The following SCUBE3 variants were observed in gnomAD, a reference collection of about 807,000 sequenced individuals.
The protein encoded by SCUBE3 is signal peptide, CUB and EGF-like domain-containing protein 3.
A neutral mutation model predicts 116.8 loss-of-function variants in SCUBE3; 33 were observed. That is an observed-to-expected ratio of 0.28 (90% CI 0.21 to 0.38). The LOEUF (loss-of-function observed/expected upper bound fraction) is 0.38. SCUBE3 is among the 10% of genes least tolerant of loss of function. The probability of loss-of-function intolerance (pLI) is 1.00; values close to 1 mark genes in which losing one functional copy is unlikely to be tolerated. For missense variants in SCUBE3, 1,007 were observed against 1,324.8 expected (o/e 0.76, Z 3.72); for synonymous variants, 418 against 496.9 (o/e 0.84, Z 2.11).
chr6:35,243,807 CCATGGG>C lies in SCUBE3; in HGVS notation c.2071+59_2071+64del. The C allele has an allele frequency of 6.3e-7, 1 of 1,584,846 alleles. No individual in the cohort carries two copies. The highest frequency in any genetic ancestry group is 1.3e-5 in the African/African-American group (1 of 74,504). ...TGGGGTAGGGTGGGCACTGGGATGCCCATGGGCATGGGATTTCCCAAAGGGCAGGCC... is the reference window on the plus strand; with the variant it reads ...TGGGGTAGGGTGGGCACTGGGATGCCCATGGGATTTCCCAAAGGGCAGGCC... On this transcript the variant is annotated intron_variant, in intron 16 of 21. Transcript: ENST00000274938. This position sits in a 1 kb window ranked among gnomAD's most constrained non-coding sequence, Gnocchi z 6.6.
intron 6 of SCUBE3, among the ~76,000 whole-genome samples, chr6:35,236,397 T>C (rs1312164182): frequency 2.6e-5 from 4 of 152,246 alleles, no homozygotes; most frequent in Non-Finnish European, 4.4e-5. Context: ...ATAAGATCTC[T>C]GTGCCCCTCC....
Position 35,242,718 on chromosome 6 carries a change from G to C in SCUBE3, c.1631G>C (p.Gly544Ala), listed in dbSNP as rs373855766. The change falls in exon 14 of 22, where the codon GGC (glycine) becomes GCC (alanine). Residue 544 changes from glycine (G) to alanine (A), a missense_variant. Around this residue, in one of 5 missense-constraint regions of SCUBE3, gnomAD observed 544 missense variants for 638.9 expected, o/e 0.85. Transcript: ENST00000274938. Reference protein sequence around the residue: ...GKGRRARTPPGKEVTRLTLEL... With the variant: ...GKGRRARTPPAKEVTRLTLEL... ...GGCCGACGGGCCCGGACCCCTCCAG[G>C]CAAAGAGGTCACAAGGCTCACCCTG... The C allele has an allele frequency of 1.2e-5, 20 of 1,614,034 alleles. No homozygotes were observed. In the African/African-American group the frequency reaches 2.4e-4, roughly 19 times the overall value.
At position 35,231,792 on chromosome 6, in the gene SCUBE3, T is replaced by C. The variant is rs887218362; in HGVS notation, c.402T>C (p.Tyr134=). The C allele has an allele frequency of 1.2e-6, 2 of 1,613,708 alleles. No individual in the cohort carries two copies. The highest frequency in any genetic ancestry group is 2.2e-5 in the South Asian group (2 of 91,074). ...QQSCVNMMGS[Y]ECHCREGFFL... ...GCTGTGTCAACATGATGGGCAGCTATGAGTGCCACTGCCGGGAAGGCTTCT... is the reference window on the plus strand; with the variant it reads ...GCTGTGTCAACATGATGGGCAGCTACGAGTGCCACTGCCGGGAAGGCTTCT... Residue 134 remains tyrosine (Y), a synonymous_variant, in exon 4 of 22, where the codon TAT becomes TAC. Coordinates refer to ENST00000274938, the MANE Select transcript of SCUBE3 (RefSeq NM_152753.4). This position sits in a 1 kb window ranked among gnomAD's most constrained non-coding sequence, Gnocchi z 4.2.
rs1370828450 is a variant in SCUBE3, at chr6:35,252,807, G to C, written c.*4102G>C. 2 of 152,232 alleles carry C rather than the reference G, an allele frequency of 1.3e-5. No homozygotes were observed. Among genetic ancestry groups the C allele is most frequent in the Admixed American group, 1.3e-4 (2 of 15,286 alleles). The allele number at this position is 152,232 out of a possible 1,614,324, so 9.4% of individuals were successfully genotyped here. A position where few individuals can be genotyped will look rare whatever the true frequency, so the allele number is the denominator to read the frequency against. On this transcript the variant is annotated 3_prime_UTR_variant, in exon 22 of 22. Coordinates refer to ENST00000274938, the MANE Select transcript of SCUBE3 (RefSeq NM_152753.4). ...AACAAACTGAAAACTTTATACTTCT[G>C]TGTGAGCTGAACTCAAGTTTCAGAA...
At chr6:35,224,852 G>A (rs941820594) in intron 1 of SCUBE3, among the ~76,000 whole-genome samples, 5 of 152,076 alleles carry the variant, frequency 3.3e-5, no homozygotes, top group East Asian at 1.9e-4. Context: ...ACCAGTATCC[G>A]TGCTGCTGGA....
Position 35,241,802 on chromosome 6 carries a change from T to C in SCUBE3, c.1313-4T>C. ...TCAGAACTGTGACAGGCTCCTTTTC[T>C]CAGAGTCTGAGAATGGCTTCACGGT... On this transcript the variant is annotated splice_region_variant and splice_polypyrimidine_tract_variant and intron_variant, in intron 11 of 21. Transcript: ENST00000274938. The surrounding 1 kb of genome is among the most constrained non-coding windows in gnomAD (Gnocchi z 4.1). 6.2e-7 allele frequency: 1 copy of C among 1,611,602 alleles called. No individual in the cohort carries two copies. The highest frequency in any genetic ancestry group is 8.5e-7 in the Non-Finnish European group (1 of 1,177,972).
At chr6:35,247,004 C>T (rs961676782) in intron 21 of SCUBE3, among the ~76,000 whole-genome samples, 3 of 151,966 alleles carry the variant, frequency 2.0e-5, no homozygotes, top group Non-Finnish European at 4.4e-5. Context: ...AAAAAAGCAG[C>T]GGCAGATCTA....
intron 1 of SCUBE3, chr6:35,220,311 A>G (rs1220481968): frequency 6.6e-6 from 1 of 152,216 alleles, no homozygotes; most frequent in Non-Finnish European, 1.5e-5. Context: ...ATGAGAGAGG[A>G]CAGTTTGAAG....
intron 7 of SCUBE3, among the ~76,000 whole-genome samples, chr6:35,238,363 G>A (rs913758445): frequency 2.0e-5 from 3 of 152,184 alleles, no homozygotes; most frequent in Non-Finnish European, 4.4e-5. Context: ...TGTGCATGAG[G>A]TCACAGGTGT....
In SCUBE3 at chr6:35,252,918, A is replaced by G. The variant is rs1320314106; in HGVS notation, c.*4213A>G. 1 of 152,214 alleles carries G rather than the reference A, an allele frequency of 6.6e-6. No homozygotes were observed. The highest frequency in any genetic ancestry group is 2.4e-5 in the African/African-American group (1 of 41,452). 9.4% of individuals were successfully genotyped at this position (152,214 alleles called of 1,614,324 possible). ...TTATATCTGCCTTCCACTGCTGCCA[A>G]TTTAGTAAGCATCTCCTATACAATC... On this transcript the variant is annotated 3_prime_UTR_variant, in exon 22 of 22. Coordinates refer to ENST00000274938, the MANE Select transcript of SCUBE3 (RefSeq NM_152753.4).
chr6:35,242,109 C>A (rs777780515), intron 12 of SCUBE3, 95 bp from the exon 13 acceptor site: 2 of 959,368 alleles, frequency 2.1e-6, no homozygotes, highest in Non-Finnish European at 3.4e-6. Context: ...CCCAGCCAAG[C>A]CCCTGGCTTA....
In SCUBE3 at chr6:35,242,818, G is replaced by A. The variant is rs770786377; in HGVS notation, c.1693+38G>A. ...GCACTGTTGGGAAGAGGACTGGAAGGGGAGGGCAGAGGTGGGGAAACCACA... is the reference window on the plus strand; with the variant it reads ...GCACTGTTGGGAAGAGGACTGGAAGAGGAGGGCAGAGGTGGGGAAACCACA... On this transcript the variant is annotated intron_variant, in intron 14 of 21. Transcript: ENST00000274938. 1.9e-6 allele frequency: 3 copies of A among 1,604,514 alleles called. No homozygotes were observed. In the East Asian group the frequency reaches 6.7e-5, roughly 36 times the overall value.
chr6:35,242,375 C>A lies in SCUBE3; in HGVS notation c.1534+55C>A, dbSNP rs1023767806. 3.7e-5 allele frequency: 46 copies of A among 1,245,276 alleles called. 1 individual carries two copies. In the South Asian group the frequency reaches 4.5e-4, roughly 12 times the overall value. 77.1% of individuals were successfully genotyped at this position (1,245,276 alleles called of 1,614,324 possible). A position where few individuals can be genotyped will look rare whatever the true frequency, so the allele number is the denominator to read the frequency against. On this transcript the variant is annotated intron_variant, in intron 13 of 21. Transcript: ENST00000274938. ...CTGTCTGGCCACTAAATCCTCCTTA[C>A]CCCTCAGCTCCTCTGCTTCCAAAAA... is the stretch of plus-strand genomic sequence containing the variant.
At position 35,248,764 on chromosome 6, in the gene SCUBE3, C is replaced by T. The variant is rs1228769307; in HGVS notation, c.*59C>T. On this transcript the variant is annotated 3_prime_UTR_variant, in exon 22 of 22. Coordinates refer to ENST00000274938, the MANE Select transcript of SCUBE3 (RefSeq NM_152753.4). ...CCCCAGACTCCTTAGCCCTCAGAGC[C>T]GGCAGCCCCCTACCCTCAGACAAGG... The T allele has an allele frequency of 8.5e-6, 12 of 1,411,016 alleles. No homozygotes were observed. Among genetic ancestry groups the T allele is most frequent in the East Asian group, 2.3e-5 (1 of 43,584 alleles). 87.4% of individuals were successfully genotyped at this position (1,411,016 alleles called of 1,614,324 possible). A position where few individuals can be genotyped will look rare whatever the true frequency, so the allele number is the denominator to read the frequency against.
At position 35,245,918 on chromosome 6, in the gene SCUBE3, T is replaced by C; in HGVS notation, c.2600-26T>C. ...GCTTGGGTAGCCTGCCCTGCTGCTC[T>C]ACTGACCTGCTGCTTGCCTTCCCAG... On this transcript the variant is annotated intron_variant, in intron 19 of 21. Coordinates refer to ENST00000274938, the MANE Select transcript of SCUBE3 (RefSeq NM_152753.4). The surrounding 1 kb of genome is among the most constrained non-coding windows in gnomAD (Gnocchi z 4.2). The C allele has an allele frequency of 6.2e-7, 1 of 1,612,802 alleles. No homozygotes were observed.
rs906609205 is a variant in SCUBE3, at chr6:35,234,188, T to C, written c.712+887T>C. ...GAAGGGGGAAATGAAAGGAAGAGGT[T>C]TGGCTGAGAGAGAGGCTGTGTCTTT... On this transcript the variant is annotated intron_variant, in intron 6 of 21. Coordinates refer to ENST00000274938, the MANE Select transcript of SCUBE3 (RefSeq NM_152753.4). Among the ~76,000 whole-genome samples, 7 of 152,280 alleles carry C rather than the reference T, an allele frequency of 4.6e-5. 1 individual carries two copies. In the South Asian group the frequency reaches 1.5e-3, roughly 32 times the overall value.
At position 35,231,539 on chromosome 6, in the gene SCUBE3, TCTGCCCTCAGGGCAGCC is replaced by T. The variant is rs1783548051; in HGVS notation, c.335-185_335-169del. Among the ~76,000 whole-genome samples, 1 of 152,204 alleles carries T rather than the reference TCTGCCCTCAGGGCAGCC, an allele frequency of 6.6e-6. No homozygotes were observed. Among genetic ancestry groups the T allele is most frequent in the South Asian group, 2.1e-4 (1 of 4,834 alleles). On this transcript the variant is annotated intron_variant, in intron 3 of 21. Transcript: ENST00000274938. This position sits in a 1 kb window ranked among gnomAD's most constrained non-coding sequence, Gnocchi z 4.2. ...TCCCCCACTTGCTTAGCTTCCCAGC[TCTGCCCTCAGGGCAGCC>T]TTTTTACACTTAGTGAAATATTAGC...
intron 1 of SCUBE3, among the ~76,000 whole-genome samples, chr6:35,217,718 C>T (rs1305146003): frequency 2.0e-5 from 3 of 152,042 alleles, no homozygotes; most frequent in Non-Finnish European, 1.5e-5. Context: ...ACCATGTCAG[C>T]GGGTAAGGGT....
rs1346056436 is a variant in SCUBE3, at chr6:35,250,060, A to G, written c.*1355A>G. Reference sequence around the variant, plus strand: ...GAATCTCATGAACCTTGAGTGCTGGAGCATCTGATCTGTCTCTATGCCACC... The same window carrying G: ...GAATCTCATGAACCTTGAGTGCTGGGGCATCTGATCTGTCTCTATGCCACC... On this transcript the variant is annotated 3_prime_UTR_variant, in exon 22 of 22. Coordinates refer to ENST00000274938, the MANE Select transcript of SCUBE3 (RefSeq NM_152753.4). The G allele has an allele frequency of 2.6e-5, 4 of 152,618 alleles. No individual in the cohort carries two copies. Among genetic ancestry groups the G allele is most frequent in the Non-Finnish European group, 5.9e-5 (4 of 68,056 alleles). The allele number at this position is 152,618 out of a possible 1,614,324, so 9.5% of individuals were successfully genotyped here. A position where few individuals can be genotyped will look rare whatever the true frequency, so the allele number is the denominator to read the frequency against.
Sources: gnomAD v4.1 joint callset for allele counts (sites outside exome capture counted in the v4.1 genomes callset) on GRCh38, gnomAD v4.1.1 for gene constraint, gnomAD v4.1.1 regional missense constraint, Gnocchi (gnomAD v3.1) non-coding constraint, MANE v1.5 for transcripts, NCBI Gene and HGNC (gene_info 2026-07-23, HGNC 2026-07-21) for gene names.